Variants in PCDHA5 observed in about 807,000 individuals in gnomAD.
The protein encoded by PCDHA5 is protocadherin alpha 5, also known as protocadherin alpha-5.
PCDHA5 carries 43 observed loss-of-function variants against 61.6 expected under a neutral mutation model. That is an observed-to-expected ratio of 0.70 (90% confidence interval 0.55 to 0.90). PCDHA5 has a LOEUF of 0.90. Ranked by LOEUF, PCDHA5 falls within the 40% of genes least tolerant of loss-of-function variation. The pLI is 0.00. For synonymous variants in PCDHA5, 627 were observed against 543.9 expected (o/e 1.15, Z -2.13); for missense variants, 1,298 against 1,222.7 (o/e 1.06, Z -0.92).
chr5:141,005,701 C>CAAAAAAA (rs59860837), intron 3 of PCDHA5, among the ~76,000 whole-genome samples: 5 of 7,784 alleles, frequency 6.4e-4, no homozygotes, highest in African/African-American at 9.3e-4. Context: ...AACTCCGTCT[C>CAAAAAAA]AAAAAAAAAA....
At chr5:140,939,965 C>T (rs565275285) in intron 1 of PCDHA5, among the ~76,000 whole-genome samples, 1 of 152,100 alleles carries the variant, frequency 6.6e-6, no homozygotes, top group African/African-American at 2.4e-5. Context: ...TAAAGTGTTC[C>T]ACGATGAATA....
intron 1 of PCDHA5, chr5:140,868,979 C>A: frequency 6.7e-7 from 1 of 1,485,290 alleles, no homozygotes; most frequent in Non-Finnish European, 9.0e-7. Context: ...TCCATCATAC[C>A]GGATGCCACC....
chr5:140,847,411 A>G (rs1333406263), intron 1 of PCDHA5: 4 of 149,582 alleles, frequency 2.7e-5, no homozygotes, highest in African/African-American at 9.8e-5. Context: ...ATAAACACTC[A>G]CGGTTTTGCC....
chr5:140,835,925 C>T lies in PCDHA5; in HGVS notation c.2352+11798C>T, dbSNP rs2150248432. On this transcript the variant is annotated intron_variant, in intron 1 of 3. Transcript: ENST00000529859. ...GCTACGTGTCAGTGCACGCGGAGAG[C>T]GGCAAGGTGTACGCGCTGCAGCCGT... 5 of 1,612,352 alleles carry T rather than the reference C, an allele frequency of 3.1e-6. No individual in the cohort carries two copies. The South Asian group carries it at 5.5e-5, about 18-fold the overall frequency.
intron 1 of PCDHA5, chr5:140,857,813 G>C: frequency 1.9e-6 from 3 of 1,597,816 alleles, no homozygotes; most frequent in Non-Finnish European, 2.6e-6. Context: ...TGCGGGTCAC[G>C]TGGTGGCTAA....
Position 140,823,500 on chromosome 5 carries a change from A to G in PCDHA5, c.1725A>G (p.Ala575=), listed in dbSNP as rs1016664951. 8 of 1,613,208 alleles carry G rather than the reference A, an allele frequency of 5.0e-6. No individual in the cohort carries two copies. The Admixed American group carries it at 5.0e-5, about 10-fold the overall frequency. The change falls in exon 1 of 4, where the codon GCA becomes GCG. Residue 575 remains alanine (A), a synonymous_variant. Transcript: ENST00000529859. ...LVPRVGGTGG[A]VSELVPRSVG... is the part of the protein sequence containing the mutation. ...CTCGAGTGGGTGGCACCGGCGGCGCAGTGAGCGAGCTGGTGCCGAGGTCAG... is the reference window on the plus strand; with the variant it reads ...CTCGAGTGGGTGGCACCGGCGGCGCGGTGAGCGAGCTGGTGCCGAGGTCAG...
chr5:140,981,721 A>G (rs2096948672), intron 2 of PCDHA5, among the ~76,000 whole-genome samples: 1 of 151,112 alleles, frequency 6.6e-6, no homozygotes, highest in Non-Finnish European at 1.5e-5. Context: ...TTCATCCAAC[A>G]AATATTTGAG....
chr5:140,843,688 A>T lies in PCDHA5; in HGVS notation c.2352+19561A>T, dbSNP rs181500612. 24 of 1,588,306 alleles carry T rather than the reference A, an allele frequency of 1.5e-5. 1 individual carries two copies. In the East Asian group the frequency reaches 4.7e-4, roughly 31 times the overall value. On this transcript the variant is annotated intron_variant, in intron 1 of 3. Transcript: ENST00000529859. The stretch of plus-strand genomic sequence containing the variant: ...GATCAGTTGATGTAGGCGAAGAGCA[A>T]GATTTAAATGTTGATCATGGCCTCA...
In PCDHA5 at chr5:140,928,550, C is replaced by T. The variant is rs781857799; in HGVS notation, c.2353-50399C>T. The T allele has an allele frequency of 3.7e-6, 6 of 1,614,160 alleles. No individual in the cohort carries two copies. Among genetic ancestry groups the T allele is most frequent in the South Asian group, 3.3e-5 (3 of 91,084 alleles). On this transcript the variant is annotated intron_variant, in intron 1 of 3. Transcript: ENST00000529859. ...GTGGTAGATAGGAATGACAATTATC[C>T]GGTTATCTTGTTTCCCTTGCCCAGA...
At chr5:140,959,412 A>G (rs2153722176) in intron 1 of PCDHA5, among the ~76,000 whole-genome samples, 1 of 152,256 alleles carries the variant, frequency 6.6e-6, no homozygotes, top group African/African-American at 2.4e-5. Context: ...GTGTTGATTG[A>G]TCTGAGAATT....
chr5:140,871,427 T>C (rs782140666), intron 1 of PCDHA5: 1 of 1,613,326 alleles, frequency 6.2e-7, no homozygotes, highest in South Asian at 1.1e-5. Context: ...AGCCCCAGTC[T>C]TCCTCTAGGT....
chr5:141,008,323 A>C lies in PCDHA5; in HGVS notation c.2501-1304A>C, dbSNP rs2098370005. ...CCCTAAACTGTAATTGAACATAAACAGTTTATTTGATGGAGCTTTTCACGT... is the reference window on the plus strand; with the variant it reads ...CCCTAAACTGTAATTGAACATAAACCGTTTATTTGATGGAGCTTTTCACGT... On this transcript the variant is annotated intron_variant, in intron 3 of 3. Transcript: ENST00000529859. 2.0e-5 allele frequency among the ~76,000 whole-genome samples: 3 copies of C among 152,242 alleles called. No individual in the cohort carries two copies. The South Asian group carries it at 6.2e-4, about 32-fold the overall frequency.
At chr5:140,869,218 G>A in intron 1 of PCDHA5, 1 of 1,613,824 alleles carries the variant, frequency 6.2e-7, no homozygotes, top group Non-Finnish European at 8.5e-7. Context: ...CTCGGAGGAG[G>A]CCAAACACGG....
chr5:140,842,826 G>C (rs2150345442), intron 1 of PCDHA5: 2 of 1,593,690 alleles, frequency 1.3e-6, no homozygotes, highest in East Asian at 2.2e-5. Context: ...GTGGGCGAGC[G>C]CTCGCTGTCG....
intron 1 of PCDHA5, chr5:140,834,394 C>A (rs2150216490): frequency 1.3e-6 from 2 of 1,596,908 alleles, no homozygotes; most frequent in Admixed American, 1.7e-5. Flanking sequence ...ATGGTGTGCC[C>A]GAATGGATAC....
At chr5:140,993,107 A>G (rs2097540621) in intron 3 of PCDHA5, among the ~76,000 whole-genome samples, 1 of 152,218 alleles carries the variant, frequency 6.6e-6, no homozygotes, top group South Asian at 2.1e-4. Context: ...TTCAGCGGTC[A>G]GTGTCACATC....
intron 1 of PCDHA5, among the ~76,000 whole-genome samples, chr5:140,951,209 A>C (rs1302279809): frequency 6.6e-6 from 1 of 151,904 alleles, no homozygotes; most frequent in Non-Finnish European, 1.5e-5. Context: ...GTGTCATCTC[A>C]GGTTTGGATT....
intron 1 of PCDHA5, among the ~76,000 whole-genome samples, chr5:140,827,159 G>T (rs13181143): frequency 0.48 from 72,226 of 151,928 alleles, 17,745 homozygotes; most frequent in Middle Eastern, 0.61. Context: ...ATATGGATTT[G>T]TAAATACCTC....
Position 140,822,599 on chromosome 5 carries a change from A to G in PCDHA5, c.824A>G (p.Glu275Gly). ...ASDADEGINK[E>G]IVYFFSNLVL... ...GATGCAGATGAGGGCATCAATAAGG[A>G]AATAGTGTATTTCTTTAGTAATCTT... The change falls in exon 1 of 4, where the codon GAA (glutamate) becomes GGA (glycine). Residue 275 changes from glutamate to glycine, a missense_variant. Glu to Gly is a moderately conservative substitution (Grantham distance 98). Transcript: ENST00000529859. The G allele has an allele frequency of 6.2e-7, 1 of 1,612,082 alleles. No homozygotes were observed. The highest frequency in any genetic ancestry group is 1.7e-5 in the Admixed American group (1 of 60,020).
Sources: allele counts gnomAD v4.1 joint callset (sites outside exome capture counted in the v4.1 genomes callset), GRCh38; gene constraint gnomAD v4.1.1; transcripts MANE v1.5; gene names NCBI Gene and HGNC (gene_info 2026-07-23, HGNC 2026-07-21).